The following ABCC1 variants were observed in gnomAD, a reference collection of about 807,000 sequenced individuals.
ABCC1 encodes the protein ATP binding cassette subfamily C member 1 (ABCC1 blood group).
In ABCC1, 83 loss-of-function variants were observed where a neutral mutation model predicts 172.9. That is an observed-to-expected ratio of 0.48 (90% CI 0.40 to 0.58). The LOEUF (loss-of-function observed/expected upper bound fraction) is 0.58. ABCC1 is among the 20% of genes least tolerant of loss of function. The pLI is 0.00. For missense variants in ABCC1, 1,817 were observed against 2,002.7 expected, an observed-to-expected ratio of 0.91 and a Z score of 1.77; for synonymous variants, 937 against 825.2, an observed-to-expected ratio of 1.14 and a Z score of -2.32.
At chr16:15,957,114 C>A (rs1227032566) in intron 1 of ABCC1, among the ~76,000 whole-genome samples, 1 of 152,066 alleles carries the variant, frequency 6.6e-6, no homozygotes, top group Non-Finnish European at 1.5e-5. Context: ...GGGTCTTGCT[C>A]TGTCACCCAG....
intron 1 of ABCC1, among the ~76,000 whole-genome samples, chr16:15,963,778 C>G (rs1284018843): frequency 6.6e-6 from 1 of 152,152 alleles, no homozygotes; most frequent in African/African-American, 2.4e-5. Context: ...CCCTCCTAGG[C>G]CTGTGATGGG....
intron 23 of ABCC1, among the ~76,000 whole-genome samples, chr16:16,116,199 C>T (rs971055131): frequency 9.9e-5 from 15 of 152,100 alleles, no homozygotes; most frequent in Non-Finnish European, 1.3e-4. Context: ...CCACTGCGCC[C>T]GGCCCCTTTC....
At chr16:15,981,997 C>T (rs8056499) in intron 1 of ABCC1, among the ~76,000 whole-genome samples, 21,029 of 152,190 alleles carry the variant, frequency 0.14, 1,602 homozygotes, top group Middle Eastern at 0.16. Flanking sequence ...TAGCAAGAGT[C>T]ACCTTGGCTC....
At chr16:16,071,180 G>A (rs1239938577) in intron 13 of ABCC1, among the ~76,000 whole-genome samples, 1 of 151,962 alleles carries the variant, frequency 6.6e-6, no homozygotes, top group Non-Finnish European at 1.5e-5. Context: ...GCCTTCCCAG[G>A]TTCAAGTGAT....
chr16:15,964,477 G>A (rs1319270898), intron 1 of ABCC1, among the ~76,000 whole-genome samples: 1 of 152,118 alleles, frequency 6.6e-6, no homozygotes, highest in African/African-American at 2.4e-5. Context: ...AATATGTGGG[G>A]ATTCCAATTC....
At chr16:16,095,819 G>A (rs913407873) in intron 19 of ABCC1, among the ~76,000 whole-genome samples, 14 of 151,942 alleles carry the variant, frequency 9.2e-5, no homozygotes, top group Non-Finnish European at 1.2e-4. Context: ...AGCATGAGTC[G>A]CGGCACCTGG....
At chr16:16,098,928 G>A (rs1488075459) in intron 19 of ABCC1, 1 of 1,351,736 alleles carries the variant, frequency 7.4e-7, no homozygotes, top group Non-Finnish European at 9.8e-7. Context: ...GTTGGAGTTG[G>A]CTTGGCTCAT....
chr16:16,084,407 A>AG (rs1336888941), intron 17 of ABCC1, among the ~76,000 whole-genome samples: 1 of 144,228 alleles, frequency 6.9e-6, no homozygotes, highest in Non-Finnish European at 1.5e-5. Flanking sequence ...TCTGTCGCCC[A>AG]GGCTAGAGTG....
chr16:15,979,463 G>A (rs187771367), intron 1 of ABCC1, among the ~76,000 whole-genome samples: 243 of 152,174 alleles, frequency 1.6e-3, no homozygotes, highest in Middle Eastern at 6.8e-3. Flanking sequence ...TGAAAATTGC[G>A]TATAGCCAAA....
At chr16:16,082,089 G>C (rs2050826540) in intron 16 of ABCC1, among the ~76,000 whole-genome samples, 1 of 152,142 alleles carries the variant, frequency 6.6e-6, no homozygotes, top group Non-Finnish European at 1.5e-5. Context: ...AGGCCCCCTT[G>C]CTGTCCCTGG....
intron 8 of ABCC1, 61 bp downstream of exon 8, chr16:16,044,741 T>TGCATCAGTC: frequency 6.8e-7 from 1 of 1,471,218 alleles, no homozygotes; most frequent in Non-Finnish European, 9.5e-7. Context: ...ATCTTTCAGT[T>TGCATCAGTC]GCATCAGTCA....
chr16:16,138,344 G>GT lies in ABCC1; in HGVS notation c.4293-13dup. 2 of 1,565,270 alleles carry GT rather than the reference G, an allele frequency of 1.3e-6. No individual in the cohort carries two copies. Among genetic ancestry groups the GT allele is most frequent in the Middle Eastern group, 1.7e-4 (1 of 5,816 alleles). On this transcript the variant is annotated intron_variant, in intron 29 of 30. Coordinates refer to ENST00000399410, the MANE Select transcript of ABCC1 (RefSeq NM_004996.4). ...TGGTTTGACCCAACACTATCTCCTG[G>GT]TTTTTTTCTTCCGGTCAAGTGTCGG... is the stretch of plus-strand genomic sequence containing the variant.
chr16:15,999,866 C>CTTTTCT (rs372230924), intron 1 of ABCC1, among the ~76,000 whole-genome samples: 25 of 62,996 alleles, frequency 4.0e-4, no homozygotes, highest in Non-Finnish European at 6.2e-4. Flanking sequence ...TTCTTTCTTT[C>CTTTTCT]TTTCTTTCAG....
chr16:16,058,006 T>G (rs1480371056), intron 12 of ABCC1, among the ~76,000 whole-genome samples: 2 of 152,152 alleles, frequency 1.3e-5, no homozygotes, highest in African/African-American at 2.4e-5. Flanking sequence ...GGAATTACCC[T>G]TTCTCCCATT....
chr16:16,042,493 A>C (rs981638328), intron 7 of ABCC1, among the ~76,000 whole-genome samples: 1 of 152,264 alleles, frequency 6.6e-6, no homozygotes, highest in South Asian at 2.1e-4. Flanking sequence ...ACTTGAGGTC[A>C]GGAGTTCAAG....
intron 19 of ABCC1, among the ~76,000 whole-genome samples, chr16:16,101,044 T>C (rs1354953365): frequency 6.6e-6 from 1 of 151,956 alleles, no homozygotes; most frequent in African/African-American, 2.4e-5. Flanking sequence ...TTTTTATTTT[T>C]ATTTTTAGAC....
intron 1 of ABCC1, 48 bp from the exon 2 acceptor site, chr16:16,007,768 C>A: frequency 6.4e-7 from 1 of 1,560,592 alleles, no homozygotes; most frequent in Non-Finnish European, 8.7e-7. Context: ...GAGCTCCTGT[C>A]CTCTGGGGTG....
intron 1 of ABCC1, among the ~76,000 whole-genome samples, chr16:15,968,728 T>C (rs1168398004): frequency 1.3e-5 from 2 of 151,946 alleles, no homozygotes; most frequent in Non-Finnish European, 2.9e-5. Context: ...CAAAAACATA[T>C]ATATGTGTAT....
At position 16,056,147 on chromosome 16, in the gene ABCC1, A is replaced by G. The variant is rs371628202; in HGVS notation, c.1529A>G (p.Asn510Ser). 50 of 1,613,990 alleles carry G rather than the reference A, an allele frequency of 3.1e-5. 1 individual carries two copies. The Admixed American group carries it at 3.5e-4, about 11-fold the overall frequency. Residue 510 changes from asparagine (N) to serine (S), a missense_variant, in exon 12 of 31, where the codon AAT becomes AGT. By Grantham distance (46) the Asn-to-Ser change is conservative. Coordinates refer to ENST00000399410, the MANE Select transcript of ABCC1 (RefSeq NM_004996.4). ...NRIKLMNEIL[N>S]GIKVLKLYAW... Reference sequence around the variant, plus strand: ...ATCAAGCTGATGAACGAAATTCTCAATGGGATCAAAGTGCTAAAGCTTTAT... The same window carrying G: ...ATCAAGCTGATGAACGAAATTCTCAGTGGGATCAAAGTGCTAAAGCTTTAT...
Sources: allele counts gnomAD v4.1 joint callset (sites outside exome capture counted in the v4.1 genomes callset), GRCh38; gene constraint gnomAD v4.1.1; transcripts MANE v1.5; gene names NCBI Gene and HGNC (gene_info 2026-07-23, HGNC 2026-07-21).